HEATR5B: variants seen among roughly 807,000 people sequenced by gnomAD.
HEATR5B encodes the protein HEAT repeat-containing protein 5B.
A neutral mutation model predicts 224.1 loss-of-function variants in HEATR5B; 156 were observed. The observed-to-expected ratio is 0.70, with a 90% confidence interval of 0.61 to 0.80. HEATR5B has a LOEUF of 0.80. Ranked by LOEUF, HEATR5B falls within the 30% of genes least tolerant of loss-of-function variation. The probability of loss-of-function intolerance (pLI) is 0.00; values close to 1 mark genes in which losing one functional copy is unlikely to be tolerated. For synonymous variants in HEATR5B, 1,027 were observed against 893.0 expected, an observed-to-expected ratio of 1.15 and a Z score of -2.68; for missense variants, 2,323 against 2,535.5, an observed-to-expected ratio of 0.92 and a Z score of 1.80.
Position 37,070,761 on chromosome 2 carries a change from T to C in HEATR5B, c.770-374A>G, listed in dbSNP as rs538997588. Among the ~76,000 whole-genome samples the C allele has an allele frequency of 4.6e-5, 7 of 152,344 alleles. No individual in the cohort carries two copies. The South Asian group carries it at 1.2e-3, about 27-fold the overall frequency. On this transcript the variant is annotated intron_variant, in intron 6 of 35. Transcript: ENST00000233099. ...ACTTTTCTCATCACAGTGCTTTCTATACAGTAGTTACCAATAGATTAAGAT... is the reference window on the plus strand; with the variant it reads ...ACTTTTCTCATCACAGTGCTTTCTACACAGTAGTTACCAATAGATTAAGAT...
chr2:37,075,655 A>G (rs748840704), intron 4 of HEATR5B, 21 bp from the exon 5 acceptor site: 1 of 1,573,486 alleles, frequency 6.4e-7, no homozygotes, highest in Admixed American at 1.8e-5. Context: ...ATACAAAACA[A>G]AACTATTTTG....
At chr2:37,002,883 C>T (rs62133080) in intron 31 of HEATR5B, among the ~76,000 whole-genome samples, 27,289 of 152,092 alleles carry the variant, frequency 0.18, 3,163 homozygotes, top group East Asian at 0.52. Flanking sequence ...ATAGTCGACT[C>T]TCAGCAATTT....
At chr2:37,001,098 G>A (rs1051611948) in intron 32 of HEATR5B, among the ~76,000 whole-genome samples, 4 of 152,026 alleles carry the variant, frequency 2.6e-5, no homozygotes, top group Non-Finnish European at 4.4e-5. Flanking sequence ...CATGCCCTGT[G>A]TAATGAAAAC....
intron 27 of HEATR5B, among the ~76,000 whole-genome samples, chr2:37,010,556 C>G (rs939874709): frequency 6.6e-6 from 1 of 151,238 alleles, no homozygotes; most frequent in South Asian, 2.1e-4. Flanking sequence ...ATCTGTAACC[C>G]AGGCTGGAGT....
rs1228758035 is a variant in HEATR5B at position 36,981,685 on chromosome 2, G to C, written c.6021C>G (p.Leu2007=). 2 of 1,613,966 alleles carry C rather than the reference G, an allele frequency of 1.2e-6. No individual in the cohort carries two copies. The highest frequency in any genetic ancestry group is 2.7e-5 in the African/African-American group (2 of 74,894). The part of the protein sequence containing the change: ...SASKDLHEFA[L]QNLMHIGPLY... ...GAGGTCCAATATGCATTAAATTCTGGAGTGCAAACTCATGAAGATCTTTGG... is the reference window on the plus strand; with the variant it reads ...GAGGTCCAATATGCATTAAATTCTGCAGTGCAAACTCATGAAGATCTTTGG... The change falls in exon 36 of 36, where the codon CTC becomes CTG. Residue 2007 remains leucine, a synonymous_variant. Transcript: ENST00000233099.
chr2:37,039,685 G>A (rs1387331086), intron 20 of HEATR5B, among the ~76,000 whole-genome samples: 2 of 152,132 alleles, frequency 1.3e-5, no homozygotes, highest in Non-Finnish European at 2.9e-5. Flanking sequence ...AGGAGAAAAA[G>A]GAAAACTCTG....
Position 36,990,725 on chromosome 2 carries a change from C to T in HEATR5B, c.5620G>A (p.Glu1874Lys). 1 of 1,612,292 alleles carries T rather than the reference C, an allele frequency of 6.2e-7. No individual in the cohort carries two copies. Among genetic ancestry groups the T allele is most frequent in the Non-Finnish European group, 8.5e-7 (1 of 1,178,766 alleles). Residue 1874 changes from glutamate to lysine, a missense_variant, in exon 34 of 36, where the codon GAA (glutamate) becomes AAA (lysine). By Grantham distance (56) the Glu-to-Lys change is moderately conservative. This residue lies in a region of HEATR5B where 844 missense variants were observed against 812.9 expected (regional missense o/e 1.04). Coordinates refer to ENST00000233099, the MANE Select transcript of HEATR5B (RefSeq NM_019024.3). ...TGTAATGACTGGACTCCTATTATTT[C>T]ATTACTAGCAGACCACAGGAAGAGT... ...IALFLWSASNEIIGVQSLQNG... is the reference protein window; with the variant it reads ...IALFLWSASNKIIGVQSLQNG...
In HEATR5B at chr2:37,038,001, T is replaced by C. The variant is rs377742130; in HGVS notation, c.3070A>G (p.Ile1024Val). ...CAACCCACCAAACAAGAGGAACGAATTGTAGAAGTTGTTGCTCCATTCCCT... is the reference window on the plus strand; with the variant it reads ...CAACCCACCAAACAAGAGGAACGAACTGTAGAAGTTGTTGCTCCATTCCCT... ...LQGNGATTST[I>V]RSSCLVGCAI... is the part of the protein sequence containing the mutation. The change falls in exon 21 of 36, where the codon ATT (isoleucine) becomes GTT (valine). Residue 1024 changes from isoleucine (I) to valine (V), a missense_variant. Transcript: ENST00000233099. 3.2e-6 allele frequency: 5 copies of C among 1,563,854 alleles called. No homozygotes were observed. Among genetic ancestry groups the C allele is most frequent in the Admixed American group, 1.8e-5 (1 of 56,376 alleles).
At chr2:37,011,265 A>G (rs947961150) in intron 27 of HEATR5B, among the ~76,000 whole-genome samples, 2 of 152,236 alleles carry the variant, frequency 1.3e-5, no homozygotes, top group African/African-American at 4.8e-5. Context: ...GGGAGCTTAC[A>G]GGCAGAGGGA....
At position 37,067,691 on chromosome 2, in the gene HEATR5B, G is replaced by A. The variant is rs868465; in HGVS notation, c.1177+990C>T. ...GGAGGGTGAGGCAGGAGAATAATTT[G>A]AACCTGAGAGGTGGAGGTTGTAGTG... On this transcript the variant is annotated intron_variant, in intron 8 of 35. Transcript: ENST00000233099. Among the ~76,000 whole-genome samples the A allele has an allele frequency of 3.9e-5, 6 of 152,272 alleles. 1 individual carries two copies. The East Asian group carries it at 1.2e-3, about 29-fold the overall frequency.
rs1218112424 is a variant in HEATR5B, at chr2:37,061,962, A to G, written c.1673T>C (p.Leu558Ser). The change falls in exon 11 of 36, where the codon TTA (leucine) becomes TCA (serine). Residue 558 changes from leucine to serine, a missense_variant. Coordinates refer to ENST00000233099, the MANE Select transcript of HEATR5B (RefSeq NM_019024.3). Reference protein sequence around the residue: ...SLQRTQAGWLLLGALMTLGPS... With the variant: ...SLQRTQAGWLSLGALMTLGPS... ...ACCTAAAGTCATAAGTGCTCCAAGTAAAAGCCAGCCAGCTTGGGTGCGCTG... is the reference window on the plus strand; with the variant it reads ...ACCTAAAGTCATAAGTGCTCCAAGTGAAAGCCAGCCAGCTTGGGTGCGCTG... The G allele has an allele frequency of 6.2e-7, 1 of 1,613,194 alleles. No homozygotes were observed. Among genetic ancestry groups the G allele is most frequent in the Non-Finnish European group, 8.5e-7 (1 of 1,179,208 alleles).
chr2:37,038,731 G>A (rs891612451), intron 20 of HEATR5B, among the ~76,000 whole-genome samples: 7 of 151,770 alleles, frequency 4.6e-5, no homozygotes. Flanking sequence ...AATCACCTGA[G>A]GTCAGGAGTT....
rs779331420 is a variant in HEATR5B at position 36,988,732 on chromosome 2, C to T, written c.5825G>A (p.Arg1942Lys). The change falls in exon 35 of 36, where the codon AGA becomes AAA. Residue 1942 changes from arginine (R) to lysine (K), a missense_variant. Around this residue, in one of 12 missense-constraint regions of HEATR5B, gnomAD observed 844 missense variants for 812.9 expected, o/e 1.04. Coordinates refer to ENST00000233099, the MANE Select transcript of HEATR5B (RefSeq NM_019024.3). ...VEKLKAVERN[R>K]PASNIELLAV... The stretch of plus-strand genomic sequence containing the variant: ...TAAAAGCTCTATGTTACTGGCTGGT[C>T]TGTTTCTTTCAACAGCTTTTAGCTT... 18 of 1,613,364 alleles carry T rather than the reference C, an allele frequency of 1.1e-5. No homozygotes were observed. Among genetic ancestry groups the T allele is most frequent in the Non-Finnish European group, 1.5e-5 (18 of 1,179,952 alleles).
intron 18 of HEATR5B, among the ~76,000 whole-genome samples, chr2:37,042,946 CTGAAGACCACACCCATCAATT>C (rs1381128954): frequency 6.6e-6 from 1 of 150,816 alleles, no homozygotes; most frequent in Non-Finnish European, 1.5e-5. Context: ...AAGCCCAAAG[CTGAAGACCACACCCATCAATT>C]TGAGAGAAAA....
At chr2:37,001,161 C>T (rs1667063969) in intron 32 of HEATR5B, among the ~76,000 whole-genome samples, 1 of 152,156 alleles carries the variant, frequency 6.6e-6, no homozygotes, top group African/African-American at 2.4e-5. Context: ...CTGTGGGAAG[C>T]ATCTGAGTAA....
In HEATR5B at chr2:37,008,846, T is replaced by C. The variant is rs767622409; in HGVS notation, c.4287A>G (p.Val1429=). The change falls in exon 28 of 36, where the codon GTA becomes GTG. Residue 1429 remains valine (V), a splice_region_variant and synonymous_variant. Coordinates refer to ENST00000233099, the MANE Select transcript of HEATR5B (RefSeq NM_019024.3). The part of the protein sequence containing the change: ...KLAVLKAWAE[V]YVVAMNIKKE... The stretch of plus-strand genomic sequence containing the variant: ...TTTTAATATTCATAGCGACCACATA[T>C]ACCTAATATGATATTTATGAGGACA... The C allele has an allele frequency of 5.1e-6, 8 of 1,567,762 alleles. No individual in the cohort carries two copies. The Admixed American group carries it at 6.7e-5, about 13-fold the overall frequency.
chr2:37,037,505 AAGAGAACACC>A (rs1669571949), intron 21 of HEATR5B, among the ~76,000 whole-genome samples: 1 of 152,170 alleles, frequency 6.6e-6, no homozygotes, highest in African/African-American at 2.4e-5. Flanking sequence ...TAAAAGGTAA[AAGAGAACACC>A]AGTGAATAAA....
chr2:37,005,587 T>G, intron 30 of HEATR5B, 45 bp downstream of exon 30: 1 of 1,567,268 alleles, frequency 6.4e-7, no homozygotes. Flanking sequence ...AAAGCAATAC[T>G]CAAAAAAAAA....
At chr2:37,015,315 C>G (rs2148420812) in intron 26 of HEATR5B, among the ~76,000 whole-genome samples, 1 of 152,176 alleles carries the variant, frequency 6.6e-6, no homozygotes, top group South Asian at 2.1e-4. Context: ...ACAGGGGGAT[C>G]ATATTATTAG....
Sources: gnomAD v4.1 joint callset for allele counts (sites outside exome capture counted in the v4.1 genomes callset) on GRCh38, gnomAD v4.1.1 for gene constraint, gnomAD v4.1.1 regional missense constraint, MANE v1.5 for transcripts, NCBI Gene and HGNC (gene_info 2026-07-23, HGNC 2026-07-21) for gene names.